OR9G4: variants seen among roughly 807,000 people sequenced by gnomAD.
The protein encoded by OR9G4 is olfactory receptor 9G4.
OR9G4 carries 19 observed loss-of-function variants against 16.7 expected under a neutral mutation model. That is an observed-to-expected ratio of 1.14 (90% CI 0.79 to 1.67). OR9G4 has a LOEUF of 1.67. OR9G4 is among the 40% of genes most tolerant of loss of function. OR9G4 has a pLI of 0.00. For missense variants in OR9G4, 428 were observed against 370.4 expected, an observed-to-expected ratio of 1.16 and a Z score of -1.28; for synonymous variants, 182 against 146.2, an observed-to-expected ratio of 1.24 and a Z score of -1.76.
At chr11:56,745,140 T>A (rs948277769) in intron 1 of OR9G4, among the ~76,000 whole-genome samples, 14 of 152,336 alleles carry the variant, frequency 9.2e-5, no homozygotes, top group Non-Finnish European at 2.1e-4. Flanking sequence ...AATGGGAGGA[T>A]AATTATCTAA....
intron 1 of OR9G4, among the ~76,000 whole-genome samples, chr11:56,747,047 G>A (rs11228764): frequency 0.23 from 35,108 of 151,832 alleles, 4,174 homozygotes; most frequent in Middle Eastern, 0.29. Context: ...GTTAAAACCC[G>A]TAATCTGTCT....
At chr11:56,748,472 G>A (rs1196818080) in intron 1 of OR9G4, among the ~76,000 whole-genome samples, 184 bp downstream of exon 1, 3 of 152,206 alleles carry the variant, frequency 2.0e-5, no homozygotes, top group African/African-American at 7.2e-5. Flanking sequence ...TTCTACGTGA[G>A]AGCAGGATGT....
In OR9G4 at chr11:56,742,807, C is replaced by A; in HGVS notation, c.*21G>T. On this transcript the variant is annotated 3_prime_UTR_variant, in exon 2 of 2. Coordinates refer to ENST00000641668, the MANE Select transcript of OR9G4 (RefSeq NM_001005284.2). The stretch of plus-strand genomic sequence containing the variant: ...AATAATCTGGAAAATTCAATAACAG[C>A]ATTTGCAAAGAGAATAACCTTCATG... 6.3e-7 allele frequency: 1 copy of A among 1,590,648 alleles called. No homozygotes were observed. Among genetic ancestry groups the A allele is most frequent in the Non-Finnish European group, 8.6e-7 (1 of 1,168,146 alleles).
intron 1 of OR9G4, 125 bp from the exon 2 acceptor site, chr11:56,743,913 T>C (rs998488789): frequency 2.7e-6 from 3 of 1,093,050 alleles, no homozygotes; most frequent in South Asian, 1.6e-5. Flanking sequence ...TCTAGAATTA[T>C]AGGACTTCAG....
In OR9G4 at chr11:56,741,446, T is replaced by C. The variant is rs1400076681; in HGVS notation, c.*1382A>G. ...AATTATTTTTCCTACATAGTGACTA[T>C]TATGGAGATGAAAAGAAAACATAAT... is the stretch of plus-strand genomic sequence containing the variant. On this transcript the variant is annotated 3_prime_UTR_variant, in exon 2 of 2. Transcript: ENST00000641668. The C allele has an allele frequency of 6.2e-6, 1 of 160,522 alleles. No individual in the cohort carries two copies. Among genetic ancestry groups the C allele is most frequent in the Non-Finnish European group, 1.4e-5 (1 of 73,676 alleles). 9.9% of individuals were successfully genotyped at this position (160,522 alleles called of 1,614,324 possible).
chr11:56,747,367 C>G (rs1270347437), intron 1 of OR9G4, among the ~76,000 whole-genome samples: 2 of 151,956 alleles, frequency 1.3e-5, no homozygotes, highest in Non-Finnish European at 2.9e-5. Context: ...AAATTCCATG[C>G]CCCTTTTAAA....
intron 1 of OR9G4, chr11:56,744,075 C>CTT: frequency 3.7e-5 from 13 of 349,452 alleles, no homozygotes; most frequent in Non-Finnish European, 5.6e-5. Flanking sequence ...ATTACTTCTT[C>CTT]TTTTTTTTTT....
At chr11:56,746,015 C>T (rs915410975) in intron 1 of OR9G4, among the ~76,000 whole-genome samples, 88 of 151,932 alleles carry the variant, frequency 5.8e-4, no homozygotes, top group African/African-American at 2.1e-3. Flanking sequence ...TCCTATGGGC[C>T]GGGCGCGGTG....
At position 56,747,286 on chromosome 11, in the gene OR9G4, T is replaced by G. The variant is rs137980216; in HGVS notation, c.-23+1370A>C. Reference sequence around the variant, plus strand: ...GAACACTATACTCCAGATGTTTTCATGGCTCACTCCTTCATCTTCTTTAAG... The same window carrying G: ...GAACACTATACTCCAGATGTTTTCAGGGCTCACTCCTTCATCTTCTTTAAG... On this transcript the variant is annotated intron_variant, in intron 1 of 1. Transcript: ENST00000641668. 2.8e-3 allele frequency among the ~76,000 whole-genome samples: 421 copies of G among 152,180 alleles called. 2 individuals carry two copies. The highest frequency in any genetic ancestry group is 9.9e-3 in the African/African-American group (410 of 41,546).
In OR9G4 at chr11:56,743,440, G is replaced by A; in HGVS notation, c.327C>T (p.Tyr109=). The A allele has an allele frequency of 6.2e-7, 1 of 1,614,116 alleles. No individual in the cohort carries two copies. Among genetic ancestry groups the A allele is most frequent in the South Asian group, 1.1e-5 (1 of 91,078 alleles). ...TGGCTGCCAGGAGATAGCATTCAGT[G>A]TAGGCTACAACACAGGAAAAAAACA... ...AQLFFSCVVA[Y]TECYLLAAMA... is the part of the protein sequence containing the mutation. The change falls in exon 2 of 2, where the codon TAC becomes TAT. Residue 109 remains tyrosine (Y), a synonymous_variant. Coordinates refer to ENST00000641668, the MANE Select transcript of OR9G4 (RefSeq NM_001005284.2).
At position 56,742,808 on chromosome 11, in the gene OR9G4, A is replaced by G. The variant is rs1254443701; in HGVS notation, c.*20T>C. 2 of 1,592,126 alleles carry G rather than the reference A, an allele frequency of 1.3e-6. No individual in the cohort carries two copies. The highest frequency in any genetic ancestry group is 2.7e-5 in the African/African-American group (2 of 74,056). ...ATAATCTGGAAAATTCAATAACAGC[A>G]TTTGCAAAGAGAATAACCTTCATGT... On this transcript the variant is annotated 3_prime_UTR_variant, in exon 2 of 2. Coordinates refer to ENST00000641668, the MANE Select transcript of OR9G4 (RefSeq NM_001005284.2).
At chr11:56,745,270 A>G (rs1249230081) in intron 1 of OR9G4, among the ~76,000 whole-genome samples, 1 of 152,200 alleles carries the variant, frequency 6.6e-6, no homozygotes, top group East Asian at 1.9e-4. Flanking sequence ...AGAATTTAAT[A>G]TTTTTGTCAA....
intron 1 of OR9G4, among the ~76,000 whole-genome samples, chr11:56,747,746 C>T (rs12802562): frequency 0.23 from 34,384 of 152,058 alleles, 4,009 homozygotes; most frequent in Middle Eastern, 0.3. Flanking sequence ...ACAATCTCCA[C>T]TCACAGCAAC....
At position 56,743,347 on chromosome 11, in the gene OR9G4, G is replaced by C. The variant is rs1290095860; in HGVS notation, c.420C>G (p.Leu140=). The C allele has an allele frequency of 6.2e-7, 1 of 1,614,084 alleles. No individual in the cohort carries two copies. Among genetic ancestry groups the C allele is most frequent in the Non-Finnish European group, 8.5e-7 (1 of 1,180,050 alleles). The change falls in exon 2 of 2, where the codon CTC becomes CTG. Residue 140 remains leucine (L), a synonymous_variant. Coordinates refer to ENST00000641668, the MANE Select transcript of OR9G4 (RefSeq NM_001005284.2). ...AGGAGCCAGCAACAAGCCCAGTACA[G>C]AGGGCGGTGGACATGGTACCTGAAT... is the stretch of plus-strand genomic sequence containing the variant. ...LLYSGTMSTA[L]CTGLVAGSYI...
intron 1 of OR9G4, among the ~76,000 whole-genome samples, chr11:56,744,567 A>G (rs1352791697): frequency 6.6e-6 from 1 of 152,144 alleles, no homozygotes; most frequent in Non-Finnish European, 1.5e-5. Context: ...CATTATGACC[A>G]TGTACCAGTT....
rs960898282 is a variant in OR9G4 at position 56,744,034 on chromosome 11, GA to G, written c.-22-247del. 2.4e-3 allele frequency: 978 copies of G among 413,594 alleles called. 13 individuals are homozygous for G. In the East Asian group the frequency reaches 0.025, roughly 11 times the overall value. 25.6% of individuals were successfully genotyped at this position (413,594 alleles called of 1,614,324 possible). A position where few individuals can be genotyped will look rare whatever the true frequency, so the allele number is the denominator to read the frequency against. ...CAAGACCCATATTCTCATCAAACAT[GA>G]AAAAAAAATGAAACTCACAAGGATA... On this transcript the variant is annotated intron_variant, in intron 1 of 1. Transcript: ENST00000641668.
At chr11:56,744,895 C>T (rs943167106) in intron 1 of OR9G4, among the ~76,000 whole-genome samples, 9 of 152,262 alleles carry the variant, frequency 5.9e-5, no homozygotes, top group Non-Finnish European at 1.3e-4. Context: ...GACATGAGCA[C>T]GCCCAGGTGA....
In OR9G4 at chr11:56,741,512, T is replaced by C. The variant is rs967282323; in HGVS notation, c.*1316A>G. 1 of 152,724 alleles carries C rather than the reference T, an allele frequency of 6.5e-6. No homozygotes were observed. The highest frequency in any genetic ancestry group is 2.4e-5 in the African/African-American group (1 of 41,444). 9.5% of individuals were successfully genotyped at this position (152,724 alleles called of 1,614,324 possible). ...TTGCGGGATACACCCCAAATCCTTC[T>C]AGTCAAGTACTCAAACAGCTTCCTT... On this transcript the variant is annotated 3_prime_UTR_variant, in exon 2 of 2. Coordinates refer to ENST00000641668, the MANE Select transcript of OR9G4 (RefSeq NM_001005284.2).
In OR9G4 at chr11:56,743,136, T is replaced by C. The variant is rs746110650; in HGVS notation, c.631A>G (p.Ile211Val). 56 of 1,613,976 alleles carry C rather than the reference T, an allele frequency of 3.5e-5. No individual in the cohort carries two copies. Among genetic ancestry groups the C allele is most frequent in the Non-Finnish European group, 4.6e-5 (54 of 1,179,956 alleles). ...GVVGFTVLSS[I>V]LAILISYVNI... is the part of the protein sequence containing the mutation. Reference sequence around the variant, plus strand: ...ACATAGGAAATCAGGATAGCAAGAATGCTGGAGAGTACTGTGAAGCCCACC... The same window carrying C: ...ACATAGGAAATCAGGATAGCAAGAACGCTGGAGAGTACTGTGAAGCCCACC... The change falls in exon 2 of 2, where the codon ATT becomes GTT. Residue 211 changes from isoleucine to valine, a missense_variant. Ile to Val is a conservative substitution (Grantham distance 29). Coordinates refer to ENST00000641668, the MANE Select transcript of OR9G4 (RefSeq NM_001005284.2).
Sources: allele counts gnomAD v4.1 joint callset (sites outside exome capture counted in the v4.1 genomes callset), GRCh38; gene constraint gnomAD v4.1.1; transcripts MANE v1.5; gene names NCBI Gene and HGNC (gene_info 2026-07-23, HGNC 2026-07-21).